LYPLAL1: variants seen among roughly 807,000 people sequenced by gnomAD.
LYPLAL1 encodes lysophospholipase like 1.
A neutral mutation model predicts 19.7 loss-of-function variants in LYPLAL1; 23 were observed. That is an observed-to-expected ratio of 1.17 (90% confidence interval 0.84 to 1.65). The LOEUF (loss-of-function observed/expected upper bound fraction) is 1.65, where lower values mean the gene tolerates loss of function less well. Ranked by LOEUF, LYPLAL1 falls within the 40% of genes most tolerant of loss-of-function variation. The probability of loss-of-function intolerance (pLI) is 0.00; values close to 1 mark genes in which losing one functional copy is unlikely to be tolerated. For missense variants in LYPLAL1, 355 were observed against 279.4 expected (o/e 1.27, Z -1.93); for synonymous variants, 119 against 96.3 (o/e 1.24, Z -1.38).
the LYPLAL1 span, among the ~76,000 whole-genome samples, chr1:219,309,861 C>G: frequency 6.6e-6 from 1 of 152,262 alleles, no homozygotes; most frequent in Admixed American, 6.5e-5. Context: ...CTTGTTAGAA[C>G]CCAGTTACTA....
chr1:219,378,789 A>G, the LYPLAL1 span, among the ~76,000 whole-genome samples: 22 of 152,202 alleles, frequency 1.4e-4, 1 homozygote, highest in East Asian at 4.3e-3. Context: ...AGGGTTATAA[A>G]GGCTGAGGGG....
At chr1:219,219,898 CTTTAA>C in the LYPLAL1 span, among the ~76,000 whole-genome samples, 5 of 151,896 alleles carry the variant, frequency 3.3e-5, no homozygotes, top group African/African-American at 9.7e-5. Context: ...TTAATTTCAA[CTTTAA>C]TTTAAATTTA....
At chr1:219,414,477 C>A in the LYPLAL1 span, among the ~76,000 whole-genome samples, 1 of 152,126 alleles carries the variant, frequency 6.6e-6, no homozygotes, top group Non-Finnish European at 1.5e-5. Flanking sequence ...GTTATTTGAA[C>A]ATTCTGAGCC....
the LYPLAL1 span, among the ~76,000 whole-genome samples, chr1:219,234,999 A>G: frequency 2.6e-5 from 4 of 152,182 alleles, no homozygotes; most frequent in African/African-American, 4.8e-5. Context: ...ACTTAAAATT[A>G]TTACTAAAGT....
the LYPLAL1 span, among the ~76,000 whole-genome samples, chr1:219,332,346 C>G: frequency 5.3e-5 from 8 of 152,206 alleles, no homozygotes; most frequent in Admixed American, 5.2e-4. Flanking sequence ...CAAACCATCC[C>G]AGGTGAGTTG....
At chr1:219,317,020 T>C in the LYPLAL1 span, among the ~76,000 whole-genome samples, 1 of 152,192 alleles carries the variant, frequency 6.6e-6, no homozygotes, top group African/African-American at 2.4e-5. Context: ...AAACTGTACA[T>C]TTTAAATGGC....
chr1:219,201,937 G>A (rs900018579), intron 3 of LYPLAL1, among the ~76,000 whole-genome samples: 1 of 152,098 alleles, frequency 6.6e-6, no homozygotes, highest in Admixed American at 6.6e-5. Flanking sequence ...TTTTTGTTGT[G>A]GTGGTTGTTT....
At chr1:219,198,841 G>T (rs989309304) in intron 3 of LYPLAL1, 3 of 151,946 alleles carry the variant, frequency 2.0e-5, no homozygotes, top group African/African-American at 7.3e-5. Flanking sequence ...AAAAAGCTAC[G>T]TACATTTTTC....
the LYPLAL1 span, among the ~76,000 whole-genome samples, chr1:219,227,216 A>G: frequency 6.6e-6 from 1 of 152,338 alleles, no homozygotes; most frequent in East Asian, 1.9e-4. Flanking sequence ...AGGAGTTTAC[A>G]TTCTAGTAGC....
the LYPLAL1 span, among the ~76,000 whole-genome samples, chr1:219,302,097 C>A: frequency 1.3e-5 from 2 of 152,174 alleles, no homozygotes; most frequent in Admixed American, 1.3e-4. Flanking sequence ...GTTAAGGGTG[C>A]ACATGCTTCC....
At chr1:219,273,648 A>G in the LYPLAL1 span, among the ~76,000 whole-genome samples, 1 of 152,160 alleles carries the variant, frequency 6.6e-6, no homozygotes, top group African/African-American at 2.4e-5. Flanking sequence ...GTTCCAACGT[A>G]CTGTTCCTTT....
the LYPLAL1 span, among the ~76,000 whole-genome samples, chr1:219,286,477 T>A: frequency 6.6e-6 from 1 of 152,042 alleles, no homozygotes; most frequent in African/African-American, 2.4e-5. Context: ...TCAAGGTCAC[T>A]AAGAAAAAAA....
At chr1:219,241,325 A>G in the LYPLAL1 span, among the ~76,000 whole-genome samples, 1 of 151,386 alleles carries the variant, frequency 6.6e-6, no homozygotes, top group Non-Finnish European at 1.5e-5. Context: ...AAGAAATACA[A>G]TTTTATTATA....
At chr1:219,381,539 C>T in the LYPLAL1 span, among the ~76,000 whole-genome samples, 4 of 152,200 alleles carry the variant, frequency 2.6e-5, no homozygotes, top group Non-Finnish European at 5.9e-5. Flanking sequence ...AGTTTCTTCA[C>T]ATTCCTGACA....
Position 219,179,454 on chromosome 1 carries a change from G to A in LYPLAL1, c.191+208G>A. 6.0e-6 allele frequency: 3 copies of A among 501,292 alleles called. No homozygotes were observed. In the South Asian group the frequency reaches 8.1e-5, roughly 13 times the overall value. The allele number at this position is 501,292 out of a possible 1,614,324, so 31.1% of individuals were successfully genotyped here. ...GAGTAATTTATTCCCTTTCTGTAAAGCATTCCCTAAAGCTCTGAATTTAAA... is the reference window on the plus strand; with the variant it reads ...GAGTAATTTATTCCCTTTCTGTAAAACATTCCCTAAAGCTCTGAATTTAAA... On this transcript the variant is annotated intron_variant, in intron 2 of 4. Transcript: ENST00000366928.
chr1:219,424,459 A>G, the LYPLAL1 span, among the ~76,000 whole-genome samples: 1 of 152,226 alleles, frequency 6.6e-6, no homozygotes, highest in Non-Finnish European at 1.5e-5. Context: ...TGCCAGATCA[A>G]TTGTTCACAA....
the LYPLAL1 span, among the ~76,000 whole-genome samples, chr1:219,302,966 T>A: frequency 6.6e-6 from 1 of 152,206 alleles, no homozygotes. Flanking sequence ...TTCTCCTGTA[T>A]ACAGTCCTCC....
chr1:219,375,886 C>T, the LYPLAL1 span, among the ~76,000 whole-genome samples: 9 of 152,050 alleles, frequency 5.9e-5, no homozygotes, highest in South Asian at 2.1e-4. Context: ...GGACTACAGG[C>T]GCCCGCCACC....
the LYPLAL1 span, among the ~76,000 whole-genome samples, chr1:219,423,709 T>G: frequency 6.6e-6 from 1 of 152,140 alleles, no homozygotes; most frequent in Non-Finnish European, 1.5e-5. Flanking sequence ...ACAATAACCC[T>G]GAAAGGATAT....
Sources: gnomAD v4.1 joint callset for allele counts (sites outside exome capture counted in the v4.1 genomes callset) on GRCh38, gnomAD v4.1.1 for gene constraint, MANE v1.5 for transcripts, NCBI Gene and HGNC (gene_info 2026-07-23, HGNC 2026-07-21) for gene names.